MFN1: variants seen among roughly 807,000 people sequenced by gnomAD.
The protein encoded by MFN1 is mitofusin 1.
MFN1 carries 65 observed loss-of-function variants against 92.4 expected under a neutral mutation model. That is an observed-to-expected ratio of 0.70 (90% CI 0.58 to 0.86). The LOEUF (loss-of-function observed/expected upper bound fraction) is 0.86. Ranked by LOEUF, MFN1 falls within the 40% of genes least tolerant of loss-of-function variation. MFN1 has a pLI of 0.00. For missense variants in MFN1, 781 were observed against 868.0 expected (o/e 0.90, Z 1.26); for synonymous variants, 297 against 300.9 (o/e 0.99, Z 0.13).
chr3:179,351,082 G>A (rs1712128719), intron 2 of MFN1, among the ~76,000 whole-genome samples: 1 of 152,180 alleles, frequency 6.6e-6, no homozygotes. Flanking sequence ...TAGGATTATA[G>A]GCGTGAGCCC....
At chr3:179,370,160 T>A (rs2108540393) in intron 9 of MFN1, among the ~76,000 whole-genome samples, 1 of 152,256 alleles carries the variant, frequency 6.6e-6, no homozygotes, top group Non-Finnish European at 1.5e-5. Context: ...ATTTCTGATT[T>A]CTTAGAAATT....
intron 9 of MFN1, among the ~76,000 whole-genome samples, chr3:179,371,425 C>T (rs1250779223): frequency 6.6e-6 from 1 of 151,832 alleles, no homozygotes; most frequent in Non-Finnish European, 1.5e-5. Context: ...AGGTAGAAGG[C>T]CAAGAAGTTT....
At chr3:179,384,104 T>C (rs1383251828) in intron 14 of MFN1, among the ~76,000 whole-genome samples, 2 of 152,196 alleles carry the variant, frequency 1.3e-5, no homozygotes, top group Non-Finnish European at 2.9e-5. Flanking sequence ...TTCTTTCACT[T>C]AGTATAATGT....
At chr3:179,350,056 G>C (rs1712081802) in intron 2 of MFN1, among the ~76,000 whole-genome samples, 1 of 152,012 alleles carries the variant, frequency 6.6e-6, no homozygotes, top group South Asian at 2.1e-4. Context: ...GGAGGCTCGA[G>C]GAGGGAGAAT....
chr3:179,378,246 A>G lies in MFN1; in HGVS notation c.1330-95A>G, dbSNP rs1418243149. ...AAAAAAAAAAAAAGTCAAATTAAAA[A>G]GACCATTTTGGCATTTACTGAATAT... On this transcript the variant is annotated intron_variant, in intron 12 of 17. Coordinates refer to ENST00000471841, the MANE Select transcript of MFN1 (RefSeq NM_033540.3). The G allele has an allele frequency of 4.1e-6, 4 of 965,700 alleles. No individual in the cohort carries two copies. In the South Asian group the frequency reaches 5.9e-5, roughly 14 times the overall value. The allele number at this position is 965,700 out of a possible 1,614,324, so 59.8% of individuals were successfully genotyped here.
chr3:179,376,934 TC>T, intron 10 of MFN1, 107 bp from the exon 11 acceptor site: 3 of 1,055,810 alleles, frequency 2.8e-6, no homozygotes, highest in Non-Finnish European at 3.9e-6. Flanking sequence ...GTTTTTTTTT[TC>T]CTTGAGTCAT....
intron 3 of MFN1, among the ~76,000 whole-genome samples, chr3:179,352,616 A>G (rs1404161543): frequency 6.6e-6 from 1 of 152,230 alleles, no homozygotes; most frequent in Non-Finnish European, 1.5e-5. Context: ...GGAACCAAAT[A>G]ACTCTTGTTT....
At chr3:179,389,313 T>C (rs557053488) in intron 16 of MFN1, among the ~76,000 whole-genome samples, 1 of 152,308 alleles carries the variant, frequency 6.6e-6, no homozygotes, top group Non-Finnish European at 1.5e-5. Flanking sequence ...CTGCATTGAT[T>C]ATCAAACATT....
chr3:179,387,102 T>C (rs1340526312), intron 16 of MFN1, among the ~76,000 whole-genome samples: 2 of 151,854 alleles, frequency 1.3e-5, no homozygotes, highest in Non-Finnish European at 2.9e-5. Context: ...TTTTTTTTTT[T>C]CTTTGAGACA....
chr3:179,357,590 G>C (rs975705509), intron 3 of MFN1, among the ~76,000 whole-genome samples: 5 of 152,138 alleles, frequency 3.3e-5, no homozygotes, highest in Non-Finnish European at 7.4e-5. Flanking sequence ...CGAAAAGATA[G>C]GATGCTTTTG....
intron 5 of MFN1, among the ~76,000 whole-genome samples, chr3:179,363,037 T>TA (rs1407824954): frequency 4.6e-5 from 7 of 152,188 alleles, no homozygotes; most frequent in Non-Finnish European, 1.0e-4. Context: ...GTTGGATAGA[T>TA]ACAAGAAAAT....
chr3:179,390,217 T>TACAA, intron 17 of MFN1, 79 bp downstream of exon 17: 7 of 1,155,520 alleles, frequency 6.1e-6, no homozygotes, highest in East Asian at 3.0e-5. Context: ...AATGAATTTG[T>TACAA]ATTCATTCCT....
chr3:179,365,244 T>TC lies in MFN1; in HGVS notation c.753+19_753+20insC, dbSNP rs1380091179. 1.4e-6 allele frequency: 2 copies of TC among 1,404,656 alleles called. No individual in the cohort carries two copies. The highest frequency in any genetic ancestry group is 3.0e-5 in the African/African-American group (2 of 66,442). The allele number at this position is 1,404,656 out of a possible 1,614,324, so 87.0% of individuals were successfully genotyped here. A position where few individuals can be genotyped will look rare whatever the true frequency, so the allele number is the denominator to read the frequency against. ...GGAAGACGTAAGTTGTTATTTTTTT[T>TC]TTTGTAGGTTTTGAAATACAGTCAC... On this transcript the variant is annotated intron_variant, in intron 7 of 17. Transcript: ENST00000471841.
intron 7 of MFN1, among the ~76,000 whole-genome samples, chr3:179,366,113 G>A (rs982550060): frequency 6.6e-6 from 1 of 152,114 alleles, no homozygotes; most frequent in African/African-American, 2.4e-5. Context: ...GGGGTTTTGT[G>A]CTACTGGCAT....
chr3:179,391,876 C>T (rs1369242557), intron 17 of MFN1, 105 bp from the exon 18 acceptor site: 3 of 699,794 alleles, frequency 4.3e-6, no homozygotes, highest in Admixed American at 5.0e-5. Flanking sequence ...CTGTTATGCT[C>T]TTCATTGTTT....
intron 12 of MFN1, among the ~76,000 whole-genome samples, chr3:179,377,916 A>T (rs1483198569): frequency 6.6e-6 from 1 of 151,920 alleles, no homozygotes; most frequent in African/African-American, 2.4e-5. Flanking sequence ...CAAAAAAAAA[A>T]TTAGCCGGTG....
chr3:179,358,825 T>A lies in MFN1; in HGVS notation c.249-15T>A, dbSNP rs1396098586. The A allele has an allele frequency of 6.2e-7, 1 of 1,600,122 alleles. No individual in the cohort carries two copies. Among genetic ancestry groups the A allele is most frequent in the East Asian group, 2.2e-5 (1 of 44,630 alleles). On this transcript the variant is annotated splice_polypyrimidine_tract_variant and intron_variant, in intron 3 of 17. Coordinates refer to ENST00000471841, the MANE Select transcript of MFN1 (RefSeq NM_033540.3). Reference sequence around the variant, plus strand: ...CTGTTATGTTTTGTTTTTCATGATTTTGTATATTCTTCAGGACAAGCAGTG... The same window carrying A: ...CTGTTATGTTTTGTTTTTCATGATTATGTATATTCTTCAGGACAAGCAGTG...
chr3:179,381,540 T>C (rs1419222220), intron 14 of MFN1, among the ~76,000 whole-genome samples: 1 of 152,248 alleles, frequency 6.6e-6, no homozygotes, highest in Admixed American at 6.5e-5. Context: ...TGGTGTGTCT[T>C]ATATTTTTAC....
intron 3 of MFN1, among the ~76,000 whole-genome samples, chr3:179,355,199 A>G (rs1712302953): frequency 6.6e-6 from 1 of 152,206 alleles, no homozygotes; most frequent in Non-Finnish European, 1.5e-5. Flanking sequence ...TACAATGAGC[A>G]GTGAGGACGA....
Sources: gnomAD v4.1 joint callset for allele counts (sites outside exome capture counted in the v4.1 genomes callset) on GRCh38, gnomAD v4.1.1 for gene constraint, MANE v1.5 for transcripts, NCBI Gene and HGNC (gene_info 2026-07-23, HGNC 2026-07-21) for gene names.